Variants in BTBD9 observed in about 807,000 individuals in gnomAD.
BTBD9 encodes the protein BTB/POZ domain-containing protein 9.
BTBD9 carries 49 observed loss-of-function variants against 64.3 expected under a neutral mutation model. That is an observed-to-expected ratio of 0.76 (90% CI 0.61 to 0.97). The LOEUF is 0.97. BTBD9 is among the 50% of genes least tolerant of loss of function. The pLI is 0.00. For synonymous variants in BTBD9, 260 were observed against 274.7 expected, an observed-to-expected ratio of 0.95 and a Z score of 0.53; for missense variants, 598 against 762.1, an observed-to-expected ratio of 0.78 and a Z score of 2.53.
At chr6:38,518,587 CAG>C (rs1773143770) in intron 6 of BTBD9, among the ~76,000 whole-genome samples, 2 of 152,180 alleles carry the variant, frequency 1.3e-5, no homozygotes. Context: ...ATAATGATGG[CAG>C]AGTCTAAAAA....
intron 6 of BTBD9, among the ~76,000 whole-genome samples, chr6:38,465,663 G>T (rs1177353308): frequency 7.9e-6 from 1 of 127,056 alleles, no homozygotes; most frequent in East Asian, 2.2e-4. Context: ...CTCCAGTCTG[G>T]GTGACAGAGC....
chr6:38,198,836 T>C (rs1762357668), intron 9 of BTBD9, among the ~76,000 whole-genome samples: 1 of 152,326 alleles, frequency 6.6e-6, no homozygotes, highest in Admixed American at 6.5e-5. Context: ...TGCAGACACA[T>C]GCATGACCAC....
At chr6:38,205,664 A>G (rs7758771) in intron 9 of BTBD9, among the ~76,000 whole-genome samples, 144,504 of 151,730 alleles carry the variant, frequency 0.95, 68,874 homozygotes, top group East Asian at 1. Flanking sequence ...GGATACTATC[A>G]CTTGAGGCCA....
At chr6:38,526,563 C>G (rs1050947111) in intron 6 of BTBD9, among the ~76,000 whole-genome samples, 1 of 152,188 alleles carries the variant, frequency 6.6e-6, no homozygotes, top group African/African-American at 2.4e-5. Context: ...ACAGCTTGCA[C>G]CGTGCACCTG....
intron 9 of BTBD9, among the ~76,000 whole-genome samples, chr6:38,243,539 G>T (rs987222271): frequency 2.6e-5 from 4 of 152,102 alleles, no homozygotes; most frequent in African/African-American, 9.7e-5. Context: ...GTCTGAATAC[G>T]AATGGAGGCA....
chr6:38,595,915 A>T lies in BTBD9; in HGVS notation c.186-1588T>A, dbSNP rs141935220. On this transcript the variant is annotated intron_variant, in intron 2 of 10. Coordinates refer to ENST00000481247, the MANE Select transcript of BTBD9 (RefSeq NM_001099272.2). ...CAAGACTTATCCCCAATCCTGTATGATCCATGGTATTTATTTGGATTCTCA... is the reference window on the plus strand; with the variant it reads ...CAAGACTTATCCCCAATCCTGTATGTTCCATGGTATTTATTTGGATTCTCA... 4.1e-6 allele frequency: 4 copies of T among 985,374 alleles called. No homozygotes were observed. The African/African-American group carries it at 7.0e-5, about 17-fold the overall frequency. 61.0% of individuals were successfully genotyped at this position (985,374 alleles called of 1,614,324 possible).
chr6:38,606,006 C>T (rs1035912696), intron 1 of BTBD9, among the ~76,000 whole-genome samples: 1 of 152,170 alleles, frequency 6.6e-6, no homozygotes, highest in East Asian at 1.9e-4. Context: ...GGGTAACAGC[C>T]GACTTGCTGA....
intron 6 of BTBD9, among the ~76,000 whole-genome samples, chr6:38,368,895 G>C (rs1328439227): frequency 6.6e-6 from 1 of 152,016 alleles, no homozygotes; most frequent in Non-Finnish European, 1.5e-5. Flanking sequence ...TCTGTTTCAG[G>C]CTCAGATGTG....
At chr6:38,266,301 G>A (rs147974869) in intron 8 of BTBD9, among the ~76,000 whole-genome samples, 112 of 152,176 alleles carry the variant, frequency 7.4e-4, no homozygotes, top group African/African-American at 2.5e-3. Flanking sequence ...AGCCAGGCAC[G>A]GTGGCTCACA....
At chr6:38,584,500 T>C (rs905241692) in intron 4 of BTBD9, among the ~76,000 whole-genome samples, 1 of 152,170 alleles carries the variant, frequency 6.6e-6, no homozygotes, top group Non-Finnish European at 1.5e-5. Flanking sequence ...AGCTACACAG[T>C]GCCAAAATCT....
intron 6 of BTBD9, among the ~76,000 whole-genome samples, chr6:38,438,206 A>AGGAGGGAG (rs748681270): frequency 5.8e-4 from 57 of 98,448 alleles, no homozygotes; most frequent in Middle Eastern, 5.7e-3. Context: ...GAGGAAAGGA[A>AGGAGGGAG]GGAGGGAGGG....
chr6:38,302,485 G>GTATATATATA (rs59324806), intron 7 of BTBD9, among the ~76,000 whole-genome samples: 2,256 of 106,290 alleles, frequency 0.021, 102 homozygotes, highest in Non-Finnish European at 0.028. Flanking sequence ...TTGTGTGTAT[G>GTATATATATA]TATATATATA....
At position 38,297,706 on chromosome 6, in the gene BTBD9, C is replaced by T. The variant is rs547050920; in HGVS notation, c.1265-9245G>A. Among the ~76,000 whole-genome samples, 187 of 152,064 alleles carry T rather than the reference C, an allele frequency of 1.2e-3. 1 individual carries two copies. Among genetic ancestry groups the T allele is most frequent in the African/African-American group, 4.4e-3 (183 of 41,486 alleles). On this transcript the variant is annotated intron_variant, in intron 7 of 10. Transcript: ENST00000481247. ...GATTCAGTGTCCTTAACTGGCAGTG[C>T]GTATTTTAACTGGCAGATTTACATG...
intron 6 of BTBD9, among the ~76,000 whole-genome samples, chr6:38,487,485 G>A (rs906526417): frequency 2.6e-5 from 4 of 152,096 alleles, no homozygotes; most frequent in African/African-American, 9.7e-5. Flanking sequence ...GAAGGCTGAG[G>A]TGGGAGGATC....
chr6:38,261,402 T>C (rs138094151), intron 8 of BTBD9, among the ~76,000 whole-genome samples: 1 of 152,290 alleles, frequency 6.6e-6, no homozygotes, highest in Non-Finnish European at 1.5e-5. Context: ...TCTATACCAA[T>C]TTATATTAAC....
chr6:38,587,659 G>C, intron 4 of BTBD9: 1 of 610,388 alleles, frequency 1.6e-6, no homozygotes, highest in South Asian at 1.5e-5. Flanking sequence ...AGAACTGACA[G>C]AACTTTGAAA....
intron 6 of BTBD9, among the ~76,000 whole-genome samples, chr6:38,534,794 G>A (rs1342424310): frequency 2.6e-5 from 4 of 152,064 alleles, no homozygotes; most frequent in African/African-American, 9.7e-5. Flanking sequence ...AATTGATGCT[G>A]AAAAAGCATT....
chr6:38,608,568 T>C (rs1777502752), intron 1 of BTBD9, among the ~76,000 whole-genome samples: 1 of 152,206 alleles, frequency 6.6e-6, no homozygotes, highest in South Asian at 2.1e-4. Flanking sequence ...TTTAATTTCT[T>C]TGTAGCAAAG....
At chr6:38,353,141 T>C (rs1184110308) in intron 6 of BTBD9, among the ~76,000 whole-genome samples, 1 of 152,180 alleles carries the variant, frequency 6.6e-6, no homozygotes, top group Non-Finnish European at 1.5e-5. Context: ...AGAACACGGC[T>C]ATAATGTAAA....
Sources: gnomAD v4.1 joint callset for allele counts (sites outside exome capture counted in the v4.1 genomes callset) on GRCh38, gnomAD v4.1.1 for gene constraint, MANE v1.5 for transcripts, NCBI Gene and HGNC (gene_info 2026-07-23, HGNC 2026-07-21) for gene names.